PPP4R3B: variants seen among roughly 807,000 people sequenced by gnomAD.
PPP4R3B encodes serine/threonine-protein phosphatase 4 regulatory subunit 3B.
PPP4R3B carries 52 observed loss-of-function variants against 95.4 expected under a neutral mutation model. That is an observed-to-expected ratio of 0.54 (90% confidence interval 0.44 to 0.69). The LOEUF is 0.69. Ranked by LOEUF, PPP4R3B falls within the 30% of genes least tolerant of loss-of-function variation. The pLI is 0.00. For missense variants in PPP4R3B, 1,003 were observed against 1,005.9 expected (o/e 1.00, Z 0.04); for synonymous variants, 407 against 343.9 (o/e 1.18, Z -2.03).
chr2:55,547,621 G>GT lies in PPP4R3B; in HGVS notation c.*2289dup, dbSNP rs1684858688. ...AAGAAAAGGTTCTGATGATTTAAATGTTTAAGACTTATGGCAGCTCTTCAG... is the reference window on the plus strand; with the variant it reads ...AAGAAAAGGTTCTGATGATTTAAATGTTTTAAGACTTATGGCAGCTCTTCAG... On this transcript the variant is annotated 3_prime_UTR_variant, in exon 17 of 17. Coordinates refer to ENST00000616407, the MANE Select transcript of PPP4R3B (RefSeq NM_001122964.3). The GT allele has an allele frequency of 6.6e-6, 1 of 152,178 alleles. No individual in the cohort carries two copies. Among genetic ancestry groups the GT allele is most frequent in the Admixed American group, 6.5e-5 (1 of 15,274 alleles). 9.4% of individuals were successfully genotyped at this position (152,178 alleles called of 1,614,324 possible). A position where few individuals can be genotyped will look rare whatever the true frequency, so the allele number is the denominator to read the frequency against.
chr2:55,571,043 G>A (rs968444338), intron 12 of PPP4R3B, among the ~76,000 whole-genome samples: 1 of 152,298 alleles, frequency 6.6e-6, no homozygotes, highest in East Asian at 1.9e-4. Context: ...GGGTGCAGCG[G>A]TTCACACCTG....
At chr2:55,594,571 T>C (rs756799350) in intron 4 of PPP4R3B, among the ~76,000 whole-genome samples, 1 of 152,144 alleles carries the variant, frequency 6.6e-6, no homozygotes, top group Non-Finnish European at 1.5e-5. Context: ...TTTCTGAATA[T>C]AAAAAAGTAT....
intron 8 of PPP4R3B, 86 bp from the exon 9 acceptor site, chr2:55,579,867 C>T (rs1689209692): frequency 1.4e-6 from 1 of 734,910 alleles, no homozygotes; most frequent in Non-Finnish European, 2.1e-6. Context: ...TTTTCCAGAA[C>T]CAAACCAAAA....
chr2:55,572,123 T>C (rs1688086285), intron 12 of PPP4R3B, among the ~76,000 whole-genome samples: 1 of 152,110 alleles, frequency 6.6e-6, no homozygotes, highest in Non-Finnish European at 1.5e-5. Flanking sequence ...TCAAAGTATA[T>C]GTGCAAAAAC....
chr2:55,561,972 G>C (rs1207475736), intron 15 of PPP4R3B, among the ~76,000 whole-genome samples: 1 of 152,184 alleles, frequency 6.6e-6, no homozygotes, highest in Non-Finnish European at 1.5e-5. Flanking sequence ...GGAGGGACCG[G>C]GGTGGAATGA....
chr2:55,574,873 C>T (rs138507149), intron 11 of PPP4R3B, among the ~76,000 whole-genome samples: 3,430 of 150,740 alleles, frequency 0.023, 50 homozygotes, highest in Non-Finnish European at 0.034. Context: ...GCATTACAGG[C>T]GTAAGCCACT....
At chr2:55,576,103 T>C (rs368812110) in intron 11 of PPP4R3B, among the ~76,000 whole-genome samples, 6 of 152,146 alleles carry the variant, frequency 3.9e-5, no homozygotes, top group African/African-American at 1.4e-4. Flanking sequence ...TCCCAGCACT[T>C]TGGGAGGCCA....
At chr2:55,607,856 G>A (rs1693635319) in intron 2 of PPP4R3B, among the ~76,000 whole-genome samples, 1 of 152,136 alleles carries the variant, frequency 6.6e-6, no homozygotes, top group African/African-American at 2.4e-5. Context: ...CTAACAGAAT[G>A]AAATCCAAAA....
intron 16 of PPP4R3B, 104 bp downstream of exon 16, chr2:55,558,671 C>A: frequency 1.3e-6 from 1 of 792,602 alleles, no homozygotes; most frequent in Admixed American, 2.6e-5. Flanking sequence ...AAATTCTAAA[C>A]AATTCATTGA....
chr2:55,565,259 A>C (rs1472105850), intron 13 of PPP4R3B, among the ~76,000 whole-genome samples: 7 of 152,100 alleles, frequency 4.6e-5, no homozygotes, highest in Non-Finnish European at 7.4e-5. Context: ...TTATAGGACT[A>C]TAAAGAGCAT....
intron 4 of PPP4R3B, among the ~76,000 whole-genome samples, chr2:55,592,311 A>T (rs1426206468): frequency 6.6e-6 from 1 of 152,154 alleles, no homozygotes; most frequent in African/African-American, 2.4e-5. Context: ...CCTCCCAAAT[A>T]ATTAATGAGG....
chr2:55,590,750 C>G (rs1690895891), intron 4 of PPP4R3B, among the ~76,000 whole-genome samples: 1 of 152,016 alleles, frequency 6.6e-6, no homozygotes, highest in African/African-American at 2.4e-5. Context: ...AAAATAAAAC[C>G]CTAACATTTA....
At chr2:55,553,713 C>A (rs1371953497) in intron 16 of PPP4R3B, among the ~76,000 whole-genome samples, 1 of 152,036 alleles carries the variant, frequency 6.6e-6, no homozygotes, top group East Asian at 1.9e-4. Context: ...AATATGTGGT[C>A]TTTTGTGACT....
chr2:55,617,046 C>A (rs541571370), intron 1 of PPP4R3B, 98 bp downstream of exon 1: 43 of 1,413,438 alleles, frequency 3.0e-5, no homozygotes, highest in Non-Finnish European at 4.0e-5. Flanking sequence ...ACGCGCTGTC[C>A]CGAAGGAGTA....
intron 4 of PPP4R3B, among the ~76,000 whole-genome samples, chr2:55,589,559 G>T (rs1374798739): frequency 6.6e-6 from 1 of 152,094 alleles, no homozygotes; most frequent in Non-Finnish European, 1.5e-5. Flanking sequence ...ATGACTCTGG[G>T]GTATTAAAAA....
rs2103693545 is a variant in PPP4R3B, at chr2:55,547,962, T to C, written c.*1949A>G. ...GAAAGTGTTTTACATGTGGGCTTAT[T>C]TTAAGAAGAAATTTACTAAAAGCTG... On this transcript the variant is annotated 3_prime_UTR_variant, in exon 17 of 17. Transcript: ENST00000616407. The C allele has an allele frequency of 6.6e-6, 1 of 152,300 alleles. No individual in the cohort carries two copies. The highest frequency in any genetic ancestry group is 2.4e-5 in the African/African-American group (1 of 41,564). The allele number at this position is 152,300 out of a possible 1,614,324, so 9.4% of individuals were successfully genotyped here.
intron 7 of PPP4R3B, among the ~76,000 whole-genome samples, chr2:55,584,534 G>T (rs751017433): frequency 5.9e-5 from 9 of 152,056 alleles, no homozygotes; most frequent in Non-Finnish European, 1.3e-4. Context: ...AGTCCATTGT[G>T]TCATTCTTAT....
chr2:55,552,229 G>C lies in PPP4R3B; in HGVS notation c.2455-2223C>G, dbSNP rs1406492164. Among the ~76,000 whole-genome samples the C allele has an allele frequency of 2.0e-5, 3 of 152,130 alleles. No individual in the cohort carries two copies. In the East Asian group the frequency reaches 5.8e-4, roughly 29 times the overall value. On this transcript the variant is annotated intron_variant, in intron 16 of 16. Transcript: ENST00000616407. The stretch of plus-strand genomic sequence containing the variant: ...GGCCTGTAATCTAGAGATGCACTTT[G>C]TGAAGCTGATTCCATACTTTTAATA...
At chr2:55,608,571 T>C (rs572607556) in intron 2 of PPP4R3B, among the ~76,000 whole-genome samples, 2 of 152,320 alleles carry the variant, frequency 1.3e-5, no homozygotes, top group East Asian at 3.9e-4. Context: ...GCTTGGACTA[T>C]GCAGCAATCT....
Sources: gnomAD v4.1 joint callset for allele counts (sites outside exome capture counted in the v4.1 genomes callset) on GRCh38, gnomAD v4.1.1 for gene constraint, MANE v1.5 for transcripts, NCBI Gene and HGNC (gene_info 2026-07-23, HGNC 2026-07-21) for gene names.